Variants in LRRTM4 observed in about 807,000 individuals in gnomAD.
The protein encoded by LRRTM4 is leucine rich repeat transmembrane neuronal 4.
LRRTM4 carries 25 observed loss-of-function variants against 47.6 expected under a neutral mutation model. That is an observed-to-expected ratio of 0.53 (90% CI 0.38 to 0.73). The LOEUF is 0.73. LRRTM4 is among the 30% of genes least tolerant of loss of function. The pLI is 0.00. For synonymous variants in LRRTM4, 311 were observed against 269.5 expected (o/e 1.15, Z -1.51); for missense variants, 638 against 713.4 (o/e 0.89, Z 1.20).
At chr2:77,424,633 T>C (rs538363432) in intron 3 of LRRTM4, among the ~76,000 whole-genome samples, 21 of 152,320 alleles carry the variant, frequency 1.4e-4, no homozygotes, top group African/African-American at 4.8e-4. Context: ...CGAAGGACAA[T>C]TTCCAGAAAC....
At chr2:77,022,537 A>C (rs1233194514) in intron 3 of LRRTM4, among the ~76,000 whole-genome samples, 1 of 152,188 alleles carries the variant, frequency 6.6e-6, no homozygotes. Flanking sequence ...AAAGCAAGCT[A>C]ATTACTTCCT....
In LRRTM4 at chr2:77,493,462, A is replaced by G. The variant is rs182980235; in HGVS notation, c.1551+24856T>C. Among the ~76,000 whole-genome samples the G allele has an allele frequency of 2.5e-3, 378 of 152,234 alleles. 2 individuals are homozygous for G. The highest frequency in any genetic ancestry group is 3.8e-3 in the Non-Finnish European group (261 of 67,960). On this transcript the variant is annotated intron_variant, in intron 3 of 3. Transcript: ENST00000409884. Reference sequence around the variant, plus strand: ...TAAGAAAGGCATTGAGTCCACAGAAAAAGAAGTGATTTATAAAACTGTAAA... The same window carrying G: ...TAAGAAAGGCATTGAGTCCACAGAAGAAGAAGTGATTTATAAAACTGTAAA...
At chr2:77,031,388 T>C (rs1678650937) in intron 3 of LRRTM4, among the ~76,000 whole-genome samples, 1 of 152,220 alleles carries the variant, frequency 6.6e-6, no homozygotes, top group African/African-American at 2.4e-5. Flanking sequence ...AGGTTTATTT[T>C]ACTATAACAT....
chr2:76,966,860 C>T (rs62170354), intron 3 of LRRTM4, among the ~76,000 whole-genome samples: 25,131 of 151,292 alleles, frequency 0.17, 2,251 homozygotes, highest in Admixed American at 0.26. Context: ...ACCTCTCTGA[C>T]GACTTTTCAG....
chr2:77,384,223 G>GT (rs879442889), intron 3 of LRRTM4, among the ~76,000 whole-genome samples: 5,042 of 146,290 alleles, frequency 0.034, 89 homozygotes, highest in South Asian at 0.073. Flanking sequence ...GGTAGATAAA[G>GT]TTTTTTTTTT....
In LRRTM4 at chr2:77,068,200, G is replaced by A. The variant is rs551582645; in HGVS notation, c.1552-319284C>T. ...CAAATTGTTTAAAATACTACTTTCC[G>A]CTTCCTAAAAAAATCTGCCTATTGA... On this transcript the variant is annotated intron_variant, in intron 3 of 3. Transcript: ENST00000409884. Among the ~76,000 whole-genome samples the A allele has an allele frequency of 9.9e-5, 15 of 151,926 alleles. 1 individual carries two copies. Among genetic ancestry groups the A allele is most frequent in the South Asian group, 4.2e-4 (2 of 4,814 alleles).
intron 3 of LRRTM4, among the ~76,000 whole-genome samples, chr2:76,901,552 GA>G (rs111542995): frequency 3.3e-5 from 5 of 152,136 alleles, no homozygotes; most frequent in African/African-American, 1.2e-4. Flanking sequence ...AAGGCTCAGA[GA>G]AAACCTCTTA....
intron 3 of LRRTM4, among the ~76,000 whole-genome samples, chr2:77,286,525 G>T (rs1319113395): frequency 6.6e-6 from 1 of 151,110 alleles, no homozygotes; most frequent in Non-Finnish European, 1.5e-5. Flanking sequence ...TACTATTTTA[G>T]CATTATAAAA....
intron 3 of LRRTM4, among the ~76,000 whole-genome samples, chr2:76,794,453 G>A (rs1200560472): frequency 6.6e-6 from 1 of 152,102 alleles, no homozygotes; most frequent in East Asian, 1.9e-4. Flanking sequence ...TTATAGTTGT[G>A]AACAATAGTT....
In LRRTM4 at chr2:77,279,731, C is replaced by T. The variant is rs185684422; in HGVS notation, c.1551+238587G>A. On this transcript the variant is annotated intron_variant, in intron 3 of 3. Coordinates refer to ENST00000409884, the MANE Select transcript of LRRTM4 (RefSeq NM_001134745.3). The stretch of plus-strand genomic sequence containing the variant: ...TAATAAAACCCCCATATGTCTGTCA[C>T]TCAACTTCAACAATTTCGACTTACA... Among the ~76,000 whole-genome samples, 1,340 of 152,010 alleles carry T rather than the reference C, an allele frequency of 8.8e-3. 11 individuals are homozygous for T. Among genetic ancestry groups the T allele is most frequent in the Non-Finnish European group, 0.014 (923 of 67,912 alleles).
intron 3 of LRRTM4, among the ~76,000 whole-genome samples, chr2:77,394,455 T>C (rs888376869): frequency 2.0e-5 from 3 of 151,870 alleles, no homozygotes; most frequent in Admixed American, 6.6e-5. Context: ...ATGAGAGCTA[T>C]AAATTTGGAA....
At chr2:76,999,961 A>G (rs1677354055) in intron 3 of LRRTM4, among the ~76,000 whole-genome samples, 2 of 152,278 alleles carry the variant, frequency 1.3e-5, no homozygotes, top group Middle Eastern at 3.4e-3. Context: ...TACTATGGAA[A>G]GAATGAAACA....
chr2:76,997,843 C>T (rs1383503771), intron 3 of LRRTM4, among the ~76,000 whole-genome samples: 1 of 151,902 alleles, frequency 6.6e-6, no homozygotes, highest in African/African-American at 2.4e-5. Flanking sequence ...AGTTCCACCT[C>T]CAATCAGGTC....
At chr2:77,108,810 C>T (rs1221094241) in intron 3 of LRRTM4, among the ~76,000 whole-genome samples, 1 of 151,994 alleles carries the variant, frequency 6.6e-6, no homozygotes, top group Non-Finnish European at 1.5e-5. Flanking sequence ...GTCTCGATCT[C>T]CTGACCTCGT....
At chr2:77,276,229 C>T (rs1676345265) in intron 3 of LRRTM4, among the ~76,000 whole-genome samples, 1 of 151,484 alleles carries the variant, frequency 6.6e-6, no homozygotes, top group Admixed American at 6.6e-5. Context: ...GGCCCAAAAG[C>T]CCCAAAATTG....
At chr2:77,000,566 G>A (rs1216404985) in intron 3 of LRRTM4, among the ~76,000 whole-genome samples, 1 of 152,180 alleles carries the variant, frequency 6.6e-6, no homozygotes, top group East Asian at 1.9e-4. Context: ...GCACAGTATT[G>A]CCCATTGGTA....
At chr2:77,183,322 A>G (rs182078585) in intron 3 of LRRTM4, among the ~76,000 whole-genome samples, 19 of 152,348 alleles carry the variant, frequency 1.2e-4, no homozygotes, top group East Asian at 1.9e-4. Context: ...CAAACGACAC[A>G]TGAAAAAATG....
chr2:77,011,587 G>A (rs1677878537), intron 3 of LRRTM4, among the ~76,000 whole-genome samples: 1 of 148,532 alleles, frequency 6.7e-6, no homozygotes, highest in African/African-American at 2.5e-5. Context: ...GTAGAATGAA[G>A]AAAATGTGAA....
chr2:76,992,360 T>C (rs951802037), intron 3 of LRRTM4, among the ~76,000 whole-genome samples: 2 of 151,782 alleles, frequency 1.3e-5, no homozygotes, highest in African/African-American at 2.4e-5. Flanking sequence ...TTGCTGATGA[T>C]ATGATTCTAT....
Sources: allele counts gnomAD v4.1 joint callset (sites outside exome capture counted in the v4.1 genomes callset), GRCh38; gene constraint gnomAD v4.1.1; transcripts MANE v1.5; gene names NCBI Gene and HGNC (gene_info 2026-07-23, HGNC 2026-07-21).